DPY19L1: variants seen among roughly 807,000 people sequenced by gnomAD.
DPY19L1 encodes the protein dpy-19 like C-mannosyltransferase 1.
Under a neutral mutation model 96.9 loss-of-function variants are expected in DPY19L1, and 35 were observed. The ratio of observed to expected loss-of-function variants is 0.36; its 90% CI spans 0.28 to 0.48. The LOEUF is 0.48. DPY19L1 is among the 20% of genes least tolerant of loss of function. The probability of loss-of-function intolerance (pLI) is 0.99; values close to 1 mark genes in which losing one functional copy is unlikely to be tolerated. For missense variants in DPY19L1, 521 were observed against 777.9 expected, an observed-to-expected ratio of 0.67 and a Z score of 3.93; for synonymous variants, 205 against 252.6, an observed-to-expected ratio of 0.81 and a Z score of 1.79.
At chr7:35,012,933 CATAT>C (rs1338628562) in intron 4 of DPY19L1, among the ~76,000 whole-genome samples, 1 of 146,738 alleles carries the variant, frequency 6.8e-6, no homozygotes, top group Non-Finnish European at 1.5e-5. Flanking sequence ...GTTATATATA[CATAT>C]ATAGAGAACA....
intron 7 of DPY19L1, among the ~76,000 whole-genome samples, chr7:34,986,726 T>C (rs976877521): frequency 2.0e-5 from 3 of 152,018 alleles, no homozygotes; most frequent in African/African-American, 7.2e-5. Flanking sequence ...CAGAAATATG[T>C]TGTAGGTCAT....
At chr7:35,035,740 C>A (rs1255608855) in intron 1 of DPY19L1, among the ~76,000 whole-genome samples, 1 of 152,154 alleles carries the variant, frequency 6.6e-6, no homozygotes, top group Non-Finnish European at 1.5e-5. Context: ...GATAACCCCC[C>A]ACTAGCAGAG....
chr7:34,995,866 A>C (rs1190146883), intron 6 of DPY19L1, among the ~76,000 whole-genome samples: 1 of 135,098 alleles, frequency 7.4e-6, no homozygotes, highest in African/African-American at 2.8e-5. Context: ...AGAAATGCCA[A>C]GCAGGCCTGG....
chr7:34,967,210 C>T (rs1334895721), intron 9 of DPY19L1, among the ~76,000 whole-genome samples: 1 of 152,156 alleles, frequency 6.6e-6, no homozygotes, highest in South Asian at 2.1e-4. Context: ...ACTTTGTCAA[C>T]TGTCCAAAAC....
intron 1 of DPY19L1, among the ~76,000 whole-genome samples, chr7:35,030,624 T>C (rs1301999648): frequency 3.9e-5 from 6 of 151,972 alleles, no homozygotes; most frequent in Admixed American, 1.3e-4. Context: ...GCCACAAATA[T>C]GGAGAAAGAT....
At chr7:34,952,237 T>C (rs1168862754) in intron 13 of DPY19L1, among the ~76,000 whole-genome samples, 1 of 151,736 alleles carries the variant, frequency 6.6e-6, no homozygotes, top group African/African-American at 2.4e-5. Context: ...AATATGCATA[T>C]ACACAAAAAT....
Position 34,963,622 on chromosome 7 carries a change from T to C in DPY19L1, c.1092+3272A>G, listed in dbSNP as rs112786923. 1.4e-4 allele frequency among the ~76,000 whole-genome samples: 21 copies of C among 149,510 alleles called. No individual in the cohort carries two copies. The East Asian group carries it at 3.7e-3, about 26-fold the overall frequency. On this transcript the variant is annotated intron_variant, in intron 10 of 21. Transcript: ENST00000638088. ...ATAAGCAAAATCGTGTGTGTGTGTG[T>C]GTGCGTGTGTGCACACGTGTGTACA...
chr7:34,940,399 C>A, intron 18 of DPY19L1, 72 bp from the exon 19 acceptor site: 1 of 1,342,864 alleles, frequency 7.4e-7, no homozygotes, highest in Non-Finnish European at 1.0e-6. Context: ...AAAACTTCTT[C>A]CCAGAGAAGA....
chr7:34,964,916 C>T (rs1343638041), intron 10 of DPY19L1, among the ~76,000 whole-genome samples: 1 of 151,998 alleles, frequency 6.6e-6, no homozygotes. Flanking sequence ...TATAAACAAA[C>T]CAAAAGATGC....
At chr7:34,999,676 G>C (rs746251572) in intron 6 of DPY19L1, among the ~76,000 whole-genome samples, 4 of 152,176 alleles carry the variant, frequency 2.6e-5, no homozygotes, top group Non-Finnish European at 5.9e-5. Context: ...TGGGAGAATT[G>C]AAATAATGGA....
intron 7 of DPY19L1, chr7:34,988,080 C>T (rs1785087869): frequency 6.6e-6 from 1 of 151,988 alleles, no homozygotes; most frequent in Non-Finnish European, 1.5e-5. Flanking sequence ...AGTCTGAATT[C>T]CATTGTTAAA....
At chr7:35,037,802 GC>G, upstream of DPY19L1, 1 of 1,218,668 alleles carries the variant, frequency 8.2e-7, no homozygotes, top group Non-Finnish European at 1.0e-6. Context: ...CCCCTCTGGC[GC>G]CCGGCTACCC....
intron 3 of DPY19L1, among the ~76,000 whole-genome samples, chr7:35,014,978 G>A (rs1785808133): frequency 1.3e-5 from 2 of 152,124 alleles, no homozygotes; most frequent in Admixed American, 1.3e-4. Context: ...AGGCTGAGAA[G>A]AGACAAGGAA....
intron 6 of DPY19L1, among the ~76,000 whole-genome samples, chr7:35,002,337 A>G (rs1362119071): frequency 6.6e-6 from 1 of 151,730 alleles, no homozygotes; most frequent in Non-Finnish European, 1.5e-5. Context: ...TAAAAGCATG[A>G]TAATGAAAAA....
chr7:34,939,706 G>A (rs1783954683), intron 19 of DPY19L1, among the ~76,000 whole-genome samples: 1 of 152,150 alleles, frequency 6.6e-6, no homozygotes, highest in South Asian at 2.1e-4. Flanking sequence ...ACAGTAACAA[G>A]GAGTTCTGGA....
At chr7:34,972,554 A>G in intron 8 of DPY19L1, among the ~76,000 whole-genome samples, 1 of 152,118 alleles carries the variant, frequency 6.6e-6, no homozygotes, top group Non-Finnish European at 1.5e-5. Context: ...CACGGTCAAG[A>G]ATGTGAATGT....
intron 6 of DPY19L1, among the ~76,000 whole-genome samples, chr7:35,008,875 C>A (rs1584252885): frequency 3.9e-5 from 6 of 152,264 alleles, no homozygotes; most frequent in African/African-American, 1.4e-4. Flanking sequence ...AGTTTCTCTC[C>A]CTCTGGCTCA....
rs186313883 is a variant in DPY19L1, at chr7:35,016,270, G to C, written c.411+1612C>G. ...GTGAGGTCACATCAAGGGCAAACAA[G>C]GAGAGCTGCAAGGGCTTTAATAGCT... On this transcript the variant is annotated intron_variant, in intron 3 of 21. Coordinates refer to ENST00000638088, the MANE Select transcript of DPY19L1 (RefSeq NM_001366673.1). Among the ~76,000 whole-genome samples, 147 of 152,238 alleles carry C rather than the reference G, an allele frequency of 9.7e-4. 1 individual carries two copies. The highest frequency in any genetic ancestry group is 1.0e-3 in the South Asian group (5 of 4,816).
intron 21 of DPY19L1, among the ~76,000 whole-genome samples, chr7:34,934,426 G>GCT (rs1783822336): frequency 6.6e-6 from 1 of 152,162 alleles, no homozygotes; most frequent in African/African-American, 2.4e-5. Context: ...TTTAAAAGCT[G>GCT]CTAGTTCTCA....
Sources: allele counts gnomAD v4.1 joint callset (sites outside exome capture counted in the v4.1 genomes callset), GRCh38; gene constraint gnomAD v4.1.1; transcripts MANE v1.5; gene names NCBI Gene and HGNC (gene_info 2026-07-23, HGNC 2026-07-21).